Variants in ARHGAP24 observed in about 807,000 individuals in gnomAD.
ARHGAP24 encodes the protein Rho GTPase activating protein 24, also known as rho GTPase-activating protein 24.
A neutral mutation model predicts 76.4 loss-of-function variants in ARHGAP24; 50 were observed. The ratio of observed to expected loss-of-function variants is 0.65; its 90% CI spans 0.52 to 0.83. The LOEUF (loss-of-function observed/expected upper bound fraction) is 0.83. Ranked by LOEUF, ARHGAP24 falls within the 40% of genes least tolerant of loss-of-function variation. The pLI, the probability that ARHGAP24 is intolerant of heterozygous loss-of-function variation, is 0.00. For synonymous variants in ARHGAP24, 345 were observed against 323.3 expected, an observed-to-expected ratio of 1.07 and a Z score of -0.72; for missense variants, 930 against 914.2, an observed-to-expected ratio of 1.02 and a Z score of -0.22.
intron 2 of ARHGAP24, among the ~76,000 whole-genome samples, chr4:85,713,040 A>G (rs999488185): frequency 1.3e-5 from 2 of 152,150 alleles, no homozygotes; most frequent in African/African-American, 4.8e-5. Context: ...GCTCACGCCT[A>G]TAATCCCAGC....
At chr4:85,978,682 G>A (rs867564738) in intron 8 of ARHGAP24, among the ~76,000 whole-genome samples, 2 of 151,830 alleles carry the variant, frequency 1.3e-5, no homozygotes, top group African/African-American at 4.8e-5. Flanking sequence ...ATTAAAATAC[G>A]TGCAATACAG....
intron 3 of ARHGAP24, among the ~76,000 whole-genome samples, chr4:85,857,626 A>G (rs555696552): frequency 3.9e-5 from 6 of 152,296 alleles, no homozygotes; most frequent in African/African-American, 1.4e-4. Context: ...AGAAAATGTT[A>G]GGTTATACCT....
chr4:85,731,027 C>CACAG (rs1363838234), intron 3 of ARHGAP24, among the ~76,000 whole-genome samples: 104 of 80,612 alleles, frequency 1.3e-3, no homozygotes, highest in African/African-American at 2.6e-3. Context: ...CACACACACA[C>CACAG]AGAGAGAGAG....
chr4:85,643,694 G>A (rs1721614655), intron 2 of ARHGAP24, among the ~76,000 whole-genome samples: 1 of 152,016 alleles, frequency 6.6e-6, no homozygotes, highest in African/African-American at 2.4e-5. Flanking sequence ...TTTCCACTCA[G>A]GGGAGTGCAA....
intron 3 of ARHGAP24, among the ~76,000 whole-genome samples, chr4:85,841,367 T>C (rs1369314104): frequency 6.6e-6 from 1 of 152,192 alleles, no homozygotes; most frequent in Non-Finnish European, 1.5e-5. Flanking sequence ...AGCTAAACTG[T>C]GTTGATTGTA....
rs138275023 is a variant in ARHGAP24, at chr4:85,690,474, C to G, written c.181-31411C>G. 5.3e-3 allele frequency among the ~76,000 whole-genome samples: 802 copies of G among 152,168 alleles called. 7 individuals carry two copies. Among genetic ancestry groups the G allele is most frequent in the African/African-American group, 0.018 (758 of 41,508 alleles). On this transcript the variant is annotated intron_variant, in intron 2 of 9. Transcript: ENST00000395184. ...GTATGTGTTGGTATATTTTTTATTA[C>G]TGATTCAATTTCAGAACTTGATATT...
chr4:85,606,965 A>G (rs993944751), intron 2 of ARHGAP24, among the ~76,000 whole-genome samples: 1 of 152,228 alleles, frequency 6.6e-6, no homozygotes, highest in African/African-American at 2.4e-5. Flanking sequence ...TTGAGAGACA[A>G]TAATAATACA....
At chr4:85,993,631 G>T (rs1740469661) in intron 8 of ARHGAP24, among the ~76,000 whole-genome samples, 1 of 152,070 alleles carries the variant, frequency 6.6e-6, no homozygotes, top group Admixed American at 6.6e-5. Flanking sequence ...ATTGTCAAAA[G>T]CCTTTTTGCA....
In ARHGAP24 at chr4:85,955,594, A is replaced by G. The variant is rs148649227; in HGVS notation, c.599+13321A>G. On this transcript the variant is annotated intron_variant, in intron 5 of 9. Transcript: ENST00000395184. ...CTCCAACCTCTGCCCCCATCTCCACATGGCATTCATCTCCCAGGTAATTCT... is the reference window on the plus strand; with the variant it reads ...CTCCAACCTCTGCCCCCATCTCCACGTGGCATTCATCTCCCAGGTAATTCT... Among the ~76,000 whole-genome samples, 44 of 152,214 alleles carry G rather than the reference A, an allele frequency of 2.9e-4. No homozygotes were observed. In the East Asian group the frequency reaches 5.8e-3, roughly 20 times the overall value.
chr4:85,801,159 A>G (rs1560640214), intron 3 of ARHGAP24, among the ~76,000 whole-genome samples: 1 of 152,164 alleles, frequency 6.6e-6, no homozygotes, highest in Non-Finnish European at 1.5e-5. Flanking sequence ...GCAATTTTAA[A>G]GTGCATTAAA....
At chr4:85,867,331 T>C (rs1358819590) in intron 3 of ARHGAP24, among the ~76,000 whole-genome samples, 1 of 152,146 alleles carries the variant, frequency 6.6e-6, no homozygotes, top group African/African-American at 2.4e-5. Context: ...AAGTGTAATA[T>C]GGATCTTATT....
chr4:85,851,583 GT>G (rs1298489917), intron 3 of ARHGAP24, among the ~76,000 whole-genome samples: 4 of 152,178 alleles, frequency 2.6e-5, no homozygotes, highest in African/African-American at 9.7e-5. Flanking sequence ...GCAGTGGCTG[GT>G]ACCAGTTGTT....
At chr4:85,769,528 ATG>A (rs1727050933) in intron 3 of ARHGAP24, among the ~76,000 whole-genome samples, 1 of 152,192 alleles carries the variant, frequency 6.6e-6, no homozygotes, top group Admixed American at 6.5e-5. Flanking sequence ...GTATATACAT[ATG>A]TGTGTATAAT....
chr4:85,738,767 T>A (rs1245092810), intron 3 of ARHGAP24, among the ~76,000 whole-genome samples: 1 of 152,244 alleles, frequency 6.6e-6, no homozygotes, highest in African/African-American at 2.4e-5. Context: ...ATTTTTTGCA[T>A]GTGGATTGTC....
At chr4:85,990,089 A>G (rs1206023481) in intron 8 of ARHGAP24, 2 of 151,894 alleles carry the variant, frequency 1.3e-5, no homozygotes, top group Non-Finnish European at 3.0e-5. Context: ...TAATACGCAA[A>G]TATATAAAGA....
chr4:85,978,283 G>C (rs1305965872), intron 8 of ARHGAP24, among the ~76,000 whole-genome samples: 1 of 152,086 alleles, frequency 6.6e-6, no homozygotes, highest in Non-Finnish European at 1.5e-5. Flanking sequence ...TATGATTTCA[G>C]AATTTAAAAG....
chr4:85,551,880 C>T (rs1240061192), intron 1 of ARHGAP24, among the ~76,000 whole-genome samples: 1 of 151,900 alleles, frequency 6.6e-6, no homozygotes, highest in Non-Finnish European at 1.5e-5. Context: ...GTCCCTTTGT[C>T]ATTTCTTATT....
At chr4:85,858,568 G>C (rs532879204) in intron 3 of ARHGAP24, among the ~76,000 whole-genome samples, 117 of 152,230 alleles carry the variant, frequency 7.7e-4, no homozygotes, top group African/African-American at 2.7e-3. Context: ...AAAACATAAT[G>C]CTCTATGCAA....
chr4:85,628,625 C>T (rs560963436), intron 2 of ARHGAP24, among the ~76,000 whole-genome samples: 20 of 152,178 alleles, frequency 1.3e-4, no homozygotes, highest in African/African-American at 4.8e-4. Context: ...TATTGTATTG[C>T]TGTCTATTTA....
Sources: gnomAD v4.1 joint callset for allele counts (sites outside exome capture counted in the v4.1 genomes callset) on GRCh38, gnomAD v4.1.1 for gene constraint, MANE v1.5 for transcripts, NCBI Gene and HGNC (gene_info 2026-07-23, HGNC 2026-07-21) for gene names.